Variants in DLL4 observed in about 807,000 individuals in gnomAD.
DLL4 encodes delta-like protein 4.
In DLL4, 7 loss-of-function variants were observed where a neutral mutation model predicts 73.6. The ratio of observed to expected loss-of-function variants is 0.10; its 90% CI spans 0.05 to 0.18. The LOEUF (loss-of-function observed/expected upper bound fraction) is 0.18. Ranked by LOEUF, DLL4 falls within the 10% of genes least tolerant of loss-of-function variation. The pLI is 1.00. For missense variants in DLL4, 614 were observed against 929.9 expected, an observed-to-expected ratio of 0.66 and a Z score of 4.42; for synonymous variants, 345 against 374.3, an observed-to-expected ratio of 0.92 and a Z score of 0.90.
chr15:40,937,879 G>A, intron 10 of DLL4, 150 bp from the exon 11 acceptor site: 1 of 866,666 alleles, frequency 1.2e-6, no homozygotes. Context: ...AGGCCCGTGT[G>A]TGTGTTGGGC....
rs890621923 is a variant in DLL4 at position 40,937,428 on chromosome 15, G to A, written c.1954G>A (p.Glu652Lys). The stretch of plus-strand genomic sequence containing the variant: ...CTTGTGTTCCCTCAGTGAAAAGCCA[G>A]AGTGTCGGATATCAGCGATATGCTC... ...APLRLHSEKP[E>K]CRISAICSPR... The change falls in exon 10 of 11, where the codon GAG (glutamate) becomes AAG (lysine). Residue 652 changes from glutamate (E) to lysine (K), a missense_variant. Glu to Lys is a moderately conservative substitution (Grantham distance 56, BLOSUM62 1). Coordinates refer to ENST00000249749, the MANE Select transcript of DLL4 (RefSeq NM_019074.4). 2 of 1,613,042 alleles carry A rather than the reference G, an allele frequency of 1.2e-6. No individual in the cohort carries two copies. Among genetic ancestry groups the A allele is most frequent in the South Asian group, 1.1e-5 (1 of 91,058 alleles).
chr15:40,931,051 CACA>C (rs1351268452), intron 3 of DLL4: 1 of 393,468 alleles, frequency 2.5e-6, no homozygotes, highest in Admixed American at 4.2e-5. Flanking sequence ...ATTTCAGCAG[CACA>C]ACAATTCTCA....
At position 40,930,761 on chromosome 15, in the gene DLL4, G is replaced by A; in HGVS notation, c.394+79G>A. The A allele has an allele frequency of 6.8e-7, 1 of 1,463,862 alleles. No homozygotes were observed. The highest frequency in any genetic ancestry group is 9.4e-7 in the Non-Finnish European group (1 of 1,060,976). 90.7% of individuals were successfully genotyped at this position (1,463,862 alleles called of 1,614,324 possible). A position where few individuals can be genotyped will look rare whatever the true frequency, so the allele number is the denominator to read the frequency against. On this transcript the variant is annotated intron_variant, in intron 3 of 10. Coordinates refer to ENST00000249749, the MANE Select transcript of DLL4 (RefSeq NM_019074.4). The surrounding 1 kb of genome is among the most constrained non-coding windows in gnomAD (Gnocchi z 5.7). ...AGTTAATCTGTTCTAGGCGGGGGAAGTGCGGGCTTGGGGGTGGGAGGCAGG... is the reference window on the plus strand; with the variant it reads ...AGTTAATCTGTTCTAGGCGGGGGAAATGCGGGCTTGGGGGTGGGAGGCAGG...
rs1347899346 is a variant in DLL4, at chr15:40,934,681, T to C, written c.984T>C (p.Cys328=). 6.2e-7 allele frequency: 1 copy of C among 1,613,880 alleles called. No homozygotes were observed. Among genetic ancestry groups the C allele is most frequent in the South Asian group, 1.1e-5 (1 of 91,076 alleles). Residue 328 remains cysteine, a synonymous_variant, in exon 7 of 11, where the codon TGT becomes TGC. Transcript: ENST00000249749. ...GVDCELELSE[C]DSNPCRNGGS... ...ACTGTGAGCTGGAGCTCAGCGAGTGTGACAGCAACCCCTGTCGCAATGGAG... is the reference window on the plus strand; with the variant it reads ...ACTGTGAGCTGGAGCTCAGCGAGTGCGACAGCAACCCCTGTCGCAATGGAG...
chr15:40,930,495 C>T lies in DLL4; in HGVS notation c.337-130C>T. On this transcript the variant is annotated intron_variant, in intron 2 of 10. Transcript: ENST00000249749. This position sits in a 1 kb window ranked among gnomAD's most constrained non-coding sequence, Gnocchi z 5.7. ...TCAAGCGCTACACTGTGCACAGCCC[C>T]GTTATGTTGACCCGGGCGCAGTAAC... The T allele has an allele frequency of 1.3e-6, 1 of 789,524 alleles. No individual in the cohort carries two copies. 48.9% of individuals were successfully genotyped at this position (789,524 alleles called of 1,614,324 possible). A position where few individuals can be genotyped will look rare whatever the true frequency, so the allele number is the denominator to read the frequency against.
chr15:40,930,571 C>G lies in DLL4; in HGVS notation c.337-54C>G. ...ACAGGCTGCCGCAAGGCACCCCCAC[C>G]TCTCCCCGCTTGCTCATCTCGCCAT... On this transcript the variant is annotated intron_variant, in intron 2 of 10. Transcript: ENST00000249749. The surrounding 1 kb of genome is among the most constrained non-coding windows in gnomAD (Gnocchi z 5.7). 6.7e-7 allele frequency: 1 copy of G among 1,502,586 alleles called. No individual in the cohort carries two copies. Among genetic ancestry groups the G allele is most frequent in the South Asian group, 1.1e-5 (1 of 87,472 alleles). The allele number at this position is 1,502,586 out of a possible 1,614,324, so 93.1% of individuals were successfully genotyped here.
chr15:40,937,356 T>C, intron 9 of DLL4, 62 bp from the exon 10 acceptor site: 1 of 1,180,784 alleles, frequency 8.5e-7, no homozygotes, highest in Non-Finnish European at 1.3e-6. Context: ...CTCTCCAGGG[T>C]CCTCCCTCCC....
chr15:40,930,077 G>C lies in DLL4; in HGVS notation c.297G>C (p.Gly99=). The C allele has an allele frequency of 1.2e-6, 2 of 1,607,032 alleles. No homozygotes were observed. Among genetic ancestry groups the C allele is most frequent in the Admixed American group, 1.7e-5 (1 of 59,164 alleles). Residue 99 remains glycine, a synonymous_variant, in exon 2 of 11, where the codon GGG becomes GGC. Coordinates refer to ENST00000249749, the MANE Select transcript of DLL4 (RefSeq NM_019074.4). The surrounding 1 kb of genome is among the most constrained non-coding windows in gnomAD (Gnocchi z 5.7). Reference sequence around the variant, plus strand: ...TCCGGGACGACAGTAGCGGCGGGGGGCGCAACCCTCTCCAACTGCCCTTCA... The same window carrying C: ...TCCGGGACGACAGTAGCGGCGGGGGCCGCAACCCTCTCCAACTGCCCTTCA... ...FAVRDDSSGG[G]RNPLQLPFNF...
At chr15:40,936,207 G>C in intron 8 of DLL4, 21 bp from the exon 9 acceptor site, 1 of 1,545,458 alleles carries the variant, frequency 6.5e-7, no homozygotes, top group Non-Finnish European at 8.7e-7. Context: ...TCACTGACTT[G>C]TGTCTCATGC....
chr15:40,932,151 G>C lies in DLL4; in HGVS notation c.659-20G>C, dbSNP rs1047463699. Reference sequence around the variant, plus strand: ...GTCCTTGGTATCCCAGCCTCACCCAGCTCTGTGTTCTTCCCTTAGCTATCT... The same window carrying C: ...GTCCTTGGTATCCCAGCCTCACCCACCTCTGTGTTCTTCCCTTAGCTATCT... On this transcript the variant is annotated intron_variant, in intron 4 of 10. Coordinates refer to ENST00000249749, the MANE Select transcript of DLL4 (RefSeq NM_019074.4). 4 of 1,613,874 alleles carry C rather than the reference G, an allele frequency of 2.5e-6. No homozygotes were observed. The Admixed American group carries it at 6.7e-5, about 27-fold the overall frequency.
At chr15:40,934,465 TG>T in intron 6 of DLL4, 82 bp from the exon 7 acceptor site, 2 of 1,459,136 alleles carry the variant, frequency 1.4e-6, no homozygotes, top group Non-Finnish European at 1.9e-6. Context: ...GAGCCAAACA[TG>T]GGGGCAAACA....
chr15:40,930,386 ACCCCCT>A lies in DLL4; in HGVS notation c.337-236_337-231del. 1 of 624,522 alleles carries A rather than the reference ACCCCCT, an allele frequency of 1.6e-6. No individual in the cohort carries two copies. Among genetic ancestry groups the A allele is most frequent in the Admixed American group, 2.9e-5 (1 of 34,280 alleles). 38.7% of individuals were successfully genotyped at this position (624,522 alleles called of 1,614,324 possible). On this transcript the variant is annotated intron_variant, in intron 2 of 10. Coordinates refer to ENST00000249749, the MANE Select transcript of DLL4 (RefSeq NM_019074.4). This position sits in a 1 kb window ranked among gnomAD's most constrained non-coding sequence, Gnocchi z 5.7. ...TACCACTCTGGGGCGGTACCCTACC[ACCCCCT>A]CCTCCAGTGGCTCTCCCTTACACTC...
In DLL4 at chr15:40,937,579, T is replaced by TG. The variant is rs754918851; in HGVS notation, c.2052+55dup. 936 of 1,325,072 alleles carry TG rather than the reference T, an allele frequency of 7.1e-4. 1 individual carries two copies. Among genetic ancestry groups the TG allele is most frequent in the Admixed American group, 1.0e-3 (60 of 59,624 alleles). The allele number at this position is 1,325,072 out of a possible 1,614,324, so 82.1% of individuals were successfully genotyped here. Reference sequence around the variant, plus strand: ...GCCTTTTGTGGGAGGGAAAGTGGCCTGGTCACTCTTGACCCATGGGCCATT... The same window carrying TG: ...GCCTTTTGTGGGAGGGAAAGTGGCCTGGGTCACTCTTGACCCATGGGCCATT... On this transcript the variant is annotated intron_variant, in intron 10 of 10. Coordinates refer to ENST00000249749, the MANE Select transcript of DLL4 (RefSeq NM_019074.4).
intron 9 of DLL4, 87 bp downstream of exon 9, chr15:40,937,017 T>A: frequency 8.4e-7 from 1 of 1,186,366 alleles, no homozygotes; most frequent in African/African-American, 1.5e-5. Flanking sequence ...GGGAAGCAGT[T>A]AAGCAGCTGA....
Position 40,930,597 on chromosome 15 carries a change from C to T in DLL4, c.337-28C>T. ...TCTCCCCGCTTGCTCATCTCGCCAT[C>T]TCTCCGTCCCCCCACCCCCTTTCCC... is the stretch of plus-strand genomic sequence containing the variant. On this transcript the variant is annotated intron_variant, in intron 2 of 10. Coordinates refer to ENST00000249749, the MANE Select transcript of DLL4 (RefSeq NM_019074.4). The surrounding 1 kb of genome is among the most constrained non-coding windows in gnomAD (Gnocchi z 5.7). 6.2e-7 allele frequency: 1 copy of T among 1,610,790 alleles called. No homozygotes were observed.
At chr15:40,937,682 C>T (rs1892864606) in intron 10 of DLL4, among the ~76,000 whole-genome samples, 156 bp downstream of exon 10, 1 of 152,206 alleles carries the variant, frequency 6.6e-6, no homozygotes, top group African/African-American at 2.4e-5. Context: ...CTCATTGCCA[C>T]TAAGGGTGTG....
chr15:40,932,563 A>G (rs1194812720), intron 6 of DLL4, 116 bp downstream of exon 6: 3 of 1,345,916 alleles, frequency 2.2e-6, no homozygotes, highest in Admixed American at 2.1e-5. Flanking sequence ...TGGCTTTCCC[A>G]TGATCTTCCA....
rs1491205073 is a variant in DLL4, at chr15:40,930,706, CAG to C, written c.394+25_394+26del. ...AGGTGAGTAGCTCGCTCCGCCACCA[CAG>C]GGGGGCGACACGGCGCAGCGCCGAA... On this transcript the variant is annotated intron_variant, in intron 3 of 10. Coordinates refer to ENST00000249749, the MANE Select transcript of DLL4 (RefSeq NM_019074.4). The surrounding 1 kb of genome is among the most constrained non-coding windows in gnomAD (Gnocchi z 5.7). 4.6e-5 allele frequency: 74 copies of C among 1,611,150 alleles called. No homozygotes were observed. The highest frequency in any genetic ancestry group is 6.2e-5 in the Non-Finnish European group (73 of 1,177,832).
chr15:40,929,731 G>A lies in DLL4; in HGVS notation c.63G>A (p.Gln21=), dbSNP rs781400930. Residue 21 remains glutamine (Q), a synonymous_variant, in exon 1 of 11, where the codon CAG becomes CAA. Transcript: ENST00000249749. The surrounding 1 kb of genome is among the most constrained non-coding windows in gnomAD (Gnocchi z 7.1). ...WALLLLVALW[Q]QRAAGSGVFQ... ...TACTGCTGCTGGTGGCACTTTGGCA[G>A]CAGGTAACACGTCCCGCGCCCTCTC... is the stretch of plus-strand genomic sequence containing the variant. 2 of 1,599,254 alleles carry A rather than the reference G, an allele frequency of 1.3e-6. No individual in the cohort carries two copies. Among genetic ancestry groups the A allele is most frequent in the Admixed American group, 1.7e-5 (1 of 58,066 alleles).
Sources: gnomAD v4.1 joint callset for allele counts (sites outside exome capture counted in the v4.1 genomes callset) on GRCh38, gnomAD v4.1.1 for gene constraint, Gnocchi (gnomAD v3.1) non-coding constraint, MANE v1.5 for transcripts, NCBI Gene and HGNC (gene_info 2026-07-23, HGNC 2026-07-21) for gene names.